The following TMTC2 variants were observed in gnomAD, a reference collection of about 807,000 sequenced individuals.
TMTC2 encodes protein O-mannosyl-transferase TMTC2.
TMTC2 carries 43 observed loss-of-function variants against 82.4 expected under a neutral mutation model. The ratio of observed to expected loss-of-function variants is 0.52; its 90% confidence interval spans 0.41 to 0.67. TMTC2 has a LOEUF of 0.67. TMTC2 is among the 30% of genes least tolerant of loss of function. The pLI, the probability that TMTC2 is intolerant of heterozygous loss-of-function variation, is 0.00. For synonymous variants in TMTC2, 408 were observed against 381.9 expected (o/e 1.07, Z -0.80); for missense variants, 919 against 1,012.4 (o/e 0.91, Z 1.25).
intron 1 of TMTC2, among the ~76,000 whole-genome samples, chr12:82,854,778 T>C (rs74106146): frequency 0.037 from 5,676 of 152,280 alleles, 235 homozygotes; most frequent in African/African-American, 0.1. Context: ...CTAGTTCTTA[T>C]TAGTAGATAA....
chr12:82,822,422 T>C (rs1011563736), intron 1 of TMTC2, among the ~76,000 whole-genome samples: 9 of 152,172 alleles, frequency 5.9e-5, no homozygotes, highest in African/African-American at 1.9e-4. Flanking sequence ...GAGCTCTCTG[T>C]ACTTTCTGCT....
At chr12:83,116,131 A>T (rs1468700464) in intron 11 of TMTC2, among the ~76,000 whole-genome samples, 1 of 152,126 alleles carries the variant, frequency 6.6e-6, no homozygotes, top group Admixed American at 6.5e-5. Flanking sequence ...ACGCCTTTGC[A>T]TCCTCATAGC....
chr12:83,031,674 G>A (rs995375426), intron 9 of TMTC2, among the ~76,000 whole-genome samples: 3 of 152,080 alleles, frequency 2.0e-5, no homozygotes, highest in South Asian at 2.1e-4. Context: ...CTTAAAAGTG[G>A]ACAGAAATTA....
intron 4 of TMTC2, among the ~76,000 whole-genome samples, chr12:82,952,361 A>G (rs1877392770): frequency 6.6e-6 from 1 of 152,038 alleles, no homozygotes. Context: ...TCCAAGTTTT[A>G]TTCTTGGCAG....
At chr12:82,863,026 C>T (rs888504894) in intron 2 of TMTC2, among the ~76,000 whole-genome samples, 1 of 152,192 alleles carries the variant, frequency 6.6e-6, no homozygotes, top group Admixed American at 6.5e-5. Context: ...GCATAGCCTG[C>T]AGGTGTTTGC....
intron 1 of TMTC2, among the ~76,000 whole-genome samples, chr12:82,700,000 G>A (rs189622668): frequency 5.9e-5 from 9 of 152,044 alleles, no homozygotes; most frequent in Non-Finnish European, 1.0e-4. Flanking sequence ...TTGTAATCTA[G>A]AAATGATTTA....
intron 9 of TMTC2, among the ~76,000 whole-genome samples, chr12:83,037,040 A>G (rs1370904914): frequency 6.6e-6 from 1 of 152,138 alleles, no homozygotes; most frequent in Admixed American, 6.5e-5. Flanking sequence ...CATGACCCAG[A>G]CACCTTCCTA....
intron 1 of TMTC2, among the ~76,000 whole-genome samples, chr12:82,833,867 A>G (rs577820901): frequency 1.3e-5 from 2 of 152,316 alleles, no homozygotes; most frequent in East Asian, 1.9e-4. Context: ...AAACAAATAA[A>G]CATAGCAATA....
chr12:83,058,380 A>T (rs1882621129), intron 10 of TMTC2, among the ~76,000 whole-genome samples: 1 of 151,874 alleles, frequency 6.6e-6, no homozygotes, highest in African/African-American at 2.4e-5. Context: ...TTTCTTGGGA[A>T]TTCAGGGTTT....
At chr12:82,988,241 A>G (rs1440949965) in intron 8 of TMTC2, among the ~76,000 whole-genome samples, 1 of 152,214 alleles carries the variant, frequency 6.6e-6, no homozygotes, top group Admixed American at 6.5e-5. Flanking sequence ...AGCAGTTGGA[A>G]GTATTATAAC....
At position 82,997,348 on chromosome 12, in the gene TMTC2, G is replaced by GTA. The variant is rs370359828; in HGVS notation, c.2070+11318_2070+11319dup. Among the ~76,000 whole-genome samples the GTA allele has an allele frequency of 4.0e-3, 87 of 21,648 alleles. 3 individuals carry two copies. Among genetic ancestry groups the GTA allele is most frequent in the African/African-American group, 8.8e-3 (79 of 9,012 alleles). The allele number at this position is 21,648 out of a possible 152,430, so 14.2% of individuals were successfully genotyped here. The stretch of plus-strand genomic sequence containing the variant: ...TCTGTGTGTGTGTGTGTGTGTGTGT[G>GTA]TATATATATATATATATGTGTATAT... On this transcript the variant is annotated intron_variant, in intron 8 of 11. Coordinates refer to ENST00000321196, the MANE Select transcript of TMTC2 (RefSeq NM_152588.3).
chr12:83,028,796 C>T lies in TMTC2; in HGVS notation c.2071-2002C>T, dbSNP rs7303157. ...ACTAAATCATTTAGAGAAACCTAAT[C>T]GGTAAGATACTTGCTAATTCTTCTT... is the stretch of plus-strand genomic sequence containing the variant. On this transcript the variant is annotated intron_variant, in intron 8 of 11. Transcript: ENST00000321196. Among the ~76,000 whole-genome samples the T allele has an allele frequency of 3.2e-3, 491 of 152,200 alleles. 5 individuals are homozygous for T. The highest frequency in any genetic ancestry group is 0.011 in the African/African-American group (459 of 41,548).
chr12:83,046,665 C>G (rs1198614566), intron 9 of TMTC2, among the ~76,000 whole-genome samples: 1 of 152,124 alleles, frequency 6.6e-6, no homozygotes, highest in Non-Finnish European at 1.5e-5. Flanking sequence ...TTGTCTCTGT[C>G]TTGATGGGCT....
chr12:82,945,653 A>G (rs929284502), intron 4 of TMTC2, among the ~76,000 whole-genome samples: 4 of 152,194 alleles, frequency 2.6e-5, no homozygotes, highest in African/African-American at 9.6e-5. Flanking sequence ...CATTATGAAA[A>G]AAGTTTCTTA....
At chr12:82,823,422 C>T (rs1265032325) in intron 1 of TMTC2, among the ~76,000 whole-genome samples, 1 of 152,158 alleles carries the variant, frequency 6.6e-6, no homozygotes, top group African/African-American at 2.4e-5. Context: ...TTGTTTCTTT[C>T]ATAATTCACC....
intron 8 of TMTC2, among the ~76,000 whole-genome samples, chr12:83,018,871 G>A (rs544563773): frequency 4.6e-5 from 7 of 152,284 alleles, no homozygotes; most frequent in South Asian, 2.1e-4. Flanking sequence ...AGCATTCTTC[G>A]TGCATCTTTG....
chr12:82,748,869 C>T (rs1398672965), intron 1 of TMTC2, among the ~76,000 whole-genome samples: 1 of 152,158 alleles, frequency 6.6e-6, no homozygotes, highest in Non-Finnish European at 1.5e-5. Context: ...AAGAGCAAAA[C>T]TCCATCACAA....
At chr12:83,081,202 C>T (rs1326038411) in intron 11 of TMTC2, among the ~76,000 whole-genome samples, 27 of 152,150 alleles carry the variant, frequency 1.8e-4, no homozygotes, top group Non-Finnish European at 1.5e-5. Flanking sequence ...GTTGTATCTT[C>T]AAAGACTATT....
At chr12:82,809,581 T>A (rs1879395563) in intron 1 of TMTC2, among the ~76,000 whole-genome samples, 1 of 152,160 alleles carries the variant, frequency 6.6e-6, no homozygotes, top group African/African-American at 2.4e-5. Context: ...ATTGGATTTT[T>A]AAAAATCTTA....
Sources: allele counts gnomAD v4.1 joint callset (sites outside exome capture counted in the v4.1 genomes callset), GRCh38; gene constraint gnomAD v4.1.1; transcripts MANE v1.5; gene names NCBI Gene and HGNC (gene_info 2026-07-23, HGNC 2026-07-21).